The following MCF2L2 variants were observed in gnomAD, a reference collection of about 807,000 sequenced individuals.
MCF2L2 encodes the protein MCF.2 cell line derived transforming sequence-like 2, also known as probable guanine nucleotide exchange factor MCF2L2.
MCF2L2 carries 102 observed loss-of-function variants against 150.2 expected under a neutral mutation model. The observed-to-expected ratio is 0.68, with a 90% confidence interval of 0.58 to 0.80. MCF2L2 has a LOEUF of 0.80. Ranked by LOEUF, MCF2L2 falls within the 30% of genes least tolerant of loss-of-function variation. The pLI is 0.00. For synonymous variants in MCF2L2, 465 were observed against 491.3 expected (o/e 0.95, Z 0.71); for missense variants, 1,256 against 1,372.8 (o/e 0.91, Z 1.34).
intron 3 of MCF2L2, among the ~76,000 whole-genome samples, chr3:183,351,217 TATATATATATATATATA>T (rs1560034930): frequency 2.4e-4 from 22 of 91,934 alleles, no homozygotes; most frequent in South Asian, 1.4e-3. Flanking sequence ...TATATATATA[TATATATATATATATATA>T]TATTTATTTA....
rs553297853 is a variant in MCF2L2, at chr3:183,331,779, C to T, written c.486+7021G>A. On this transcript the variant is annotated intron_variant, in intron 5 of 29. Transcript: ENST00000328913. ...GGCCAAGGCAGGAGGATCACTTGAG[C>T]CCAGGAGGTTGAGGCTGCAGTGAGT... Among the ~76,000 whole-genome samples the T allele has an allele frequency of 9.9e-5, 15 of 152,280 alleles. No homozygotes were observed. The South Asian group carries it at 2.9e-3, about 29-fold the overall frequency.
Position 183,272,728 on chromosome 3 carries a change from T to G in MCF2L2, c.1862+4144A>C, listed in dbSNP as rs186812949. On this transcript the variant is annotated intron_variant, in intron 15 of 29. Transcript: ENST00000328913. The stretch of plus-strand genomic sequence containing the variant: ...AGCATATTTGACCAAGCAACAAGCT[T>G]ATAATTAATTTTTATTAGTTGATTG... 412 of 1,035,030 alleles carry G rather than the reference T, an allele frequency of 4.0e-4. 4 individuals are homozygous for G. The highest frequency in any genetic ancestry group is 3.8e-5 in the Non-Finnish European group (32 of 852,934). 64.1% of individuals were successfully genotyped at this position (1,035,030 alleles called of 1,614,324 possible).
Position 183,428,136 on chromosome 3 carries a change from A to G in MCF2L2, c.-159T>C, listed in dbSNP as rs1034937547. 2 of 613,492 alleles carry G rather than the reference A, an allele frequency of 3.3e-6. No individual in the cohort carries two copies. The highest frequency in any genetic ancestry group is 5.7e-5 in the Admixed American group (2 of 34,832). The allele number at this position is 613,492 out of a possible 1,614,324, so 38.0% of individuals were successfully genotyped here. On this transcript the variant is annotated 5_prime_UTR_variant, in exon 1 of 30. Coordinates refer to ENST00000328913, the MANE Select transcript of MCF2L2 (RefSeq NM_015078.4). This position sits in a 1 kb window ranked among gnomAD's most constrained non-coding sequence, Gnocchi z 5.1. ...ACGAGAGTCCCTCGCAGCCTAGGCC[A>G]GCTCTCCCTCGCCACGCCCCGCGGG... is the stretch of plus-strand genomic sequence containing the variant.
At chr3:183,195,058 C>T (rs546809050) in intron 26 of MCF2L2, among the ~76,000 whole-genome samples, 164 bp downstream of exon 26, 28 of 152,314 alleles carry the variant, frequency 1.8e-4, no homozygotes, top group African/African-American at 5.1e-4. Context: ...GCTGAGATTA[C>T]AGGCGTGAGC....
At chr3:183,262,502 G>A (rs1177139200) in intron 15 of MCF2L2, among the ~76,000 whole-genome samples, 2 of 152,076 alleles carry the variant, frequency 1.3e-5, no homozygotes, top group African/African-American at 4.8e-5. Flanking sequence ...TGACTACGGA[G>A]TTTTTGGTAC....
At chr3:183,269,873 A>C in intron 15 of MCF2L2, 2 of 1,613,906 alleles carry the variant, frequency 1.2e-6, no homozygotes, top group Non-Finnish European at 1.7e-6. Flanking sequence ...CTTGTTTTTT[A>C]GCGAGCCTCA....
intron 2 of MCF2L2, among the ~76,000 whole-genome samples, chr3:183,382,013 T>C (rs1316468736): frequency 6.6e-6 from 1 of 152,002 alleles, no homozygotes; most frequent in Non-Finnish European, 1.5e-5. Context: ...TACCCTAAAA[T>C]ATTCACTAGA....
intron 3 of MCF2L2, among the ~76,000 whole-genome samples, chr3:183,363,248 T>G (rs1031658407): frequency 6.6e-6 from 1 of 152,202 alleles, no homozygotes; most frequent in East Asian, 1.9e-4. Flanking sequence ...CTCACAAAAC[T>G]ACACATGCTC....
chr3:183,416,607 A>AT (rs1715600770), intron 1 of MCF2L2, among the ~76,000 whole-genome samples: 1 of 152,186 alleles, frequency 6.6e-6, no homozygotes, highest in African/African-American at 2.4e-5. Flanking sequence ...TGATGGCTTG[A>AT]TTTATGATTT....
Position 183,270,709 on chromosome 3 carries a change from C to T in MCF2L2, c.1862+6163G>A, listed in dbSNP as rs750522566. 1 of 1,613,610 alleles carries T rather than the reference C, an allele frequency of 6.2e-7. No individual in the cohort carries two copies. The highest frequency in any genetic ancestry group is 1.1e-5 in the South Asian group (1 of 91,010). On this transcript the variant is annotated intron_variant, in intron 15 of 29. Coordinates refer to ENST00000328913, the MANE Select transcript of MCF2L2 (RefSeq NM_015078.4). This position sits in a 1 kb window ranked among gnomAD's most constrained non-coding sequence, Gnocchi z 4.5. ...GTACCGCAGGACCATGTGTTTTTTT[C>T]TGGAGAGGGTAAAACTCCTTATCAT... is the stretch of plus-strand genomic sequence containing the variant.
rs1723268717 is a variant in MCF2L2 at position 183,224,342 on chromosome 3, G to A, written c.2116-152C>T. 21 of 593,196 alleles carry A rather than the reference G, an allele frequency of 3.5e-5. 1 individual carries two copies. The South Asian group carries it at 4.3e-4, about 12-fold the overall frequency. The allele number at this position is 593,196 out of a possible 1,614,324, so 36.7% of individuals were successfully genotyped here. ...AGTAAGTAATCTTATGTTGGGATGT[G>A]TGTGTGATGGAGAGATAAACAGAAG... is the stretch of plus-strand genomic sequence containing the variant. On this transcript the variant is annotated intron_variant, in intron 18 of 29. Transcript: ENST00000328913.
At chr3:183,345,842 C>T (rs1225316039) in intron 3 of MCF2L2, among the ~76,000 whole-genome samples, 3 of 152,192 alleles carry the variant, frequency 2.0e-5, no homozygotes, top group South Asian at 2.1e-4. Flanking sequence ...AATTCCTGCA[C>T]ACAAACACCC....
At chr3:183,365,068 A>C (rs1468613502) in intron 3 of MCF2L2, among the ~76,000 whole-genome samples, 1 of 152,244 alleles carries the variant, frequency 6.6e-6, no homozygotes, top group African/African-American at 2.4e-5. Context: ...TAAAATTACT[A>C]GTTAAAGGAT....
intron 1 of MCF2L2, chr3:183,400,682 C>T (rs187810630): frequency 3.4e-5 from 9 of 263,088 alleles, no homozygotes; most frequent in East Asian, 2.0e-4. Context: ...GATTATCAGA[C>T]GTACTCATTT....
chr3:183,261,070 G>A (rs190671836), intron 15 of MCF2L2, among the ~76,000 whole-genome samples: 19 of 152,312 alleles, frequency 1.2e-4, no homozygotes, highest in Middle Eastern at 3.4e-3. Context: ...ACCTTAAAAT[G>A]TGAGTTATAA....
intron 13 of MCF2L2, among the ~76,000 whole-genome samples, chr3:183,294,497 G>A (rs574282257): frequency 6.0e-5 from 9 of 150,712 alleles, no homozygotes; most frequent in South Asian, 2.1e-4. Context: ...GATTACAGGC[G>A]CCCGCCACCA....
At chr3:183,290,116 C>A (rs1728038971) in intron 13 of MCF2L2, among the ~76,000 whole-genome samples, 2 of 152,204 alleles carry the variant, frequency 1.3e-5, no homozygotes, top group Non-Finnish European at 2.9e-5. Flanking sequence ...AACGCTGAAG[C>A]ACAATCACTT....
At chr3:183,184,640 CTTTT>C (rs531096249) in intron 27 of MCF2L2, among the ~76,000 whole-genome samples, 2 of 152,160 alleles carry the variant, frequency 1.3e-5, no homozygotes, top group South Asian at 4.1e-4. Context: ...GAATTCTAAG[CTTTT>C]TTATTTTGCT....
intron 10 of MCF2L2, among the ~76,000 whole-genome samples, chr3:183,308,536 C>A (rs1005856963): frequency 1.3e-5 from 2 of 152,052 alleles, no homozygotes; most frequent in African/African-American, 4.8e-5. Flanking sequence ...AGAGAAAGAG[C>A]GCTCGCTGTG....
Sources: allele counts gnomAD v4.1 joint callset (sites outside exome capture counted in the v4.1 genomes callset), GRCh38; gene constraint gnomAD v4.1.1; non-coding constraint Gnocchi (gnomAD v3.1); transcripts MANE v1.5; gene names NCBI Gene and HGNC (gene_info 2026-07-23, HGNC 2026-07-21).